RPS6KA2: variants seen among roughly 807,000 people sequenced by gnomAD.
The protein encoded by RPS6KA2 is ribosomal protein S6 kinase A2.
RPS6KA2 carries 42 observed loss-of-function variants against 91.8 expected under a neutral mutation model. That is an observed-to-expected ratio of 0.46 (90% CI 0.36 to 0.59). The LOEUF is 0.59. Ranked by LOEUF, RPS6KA2 falls within the 20% of genes least tolerant of loss-of-function variation. The probability of loss-of-function intolerance (pLI) is 0.00; values close to 1 mark genes in which losing one functional copy is unlikely to be tolerated. For missense variants in RPS6KA2, 798 were observed against 978.5 expected (o/e 0.82, Z 2.46); for synonymous variants, 414 against 393.6 (o/e 1.05, Z -0.61).
At chr6:166,555,324 T>C (rs367628590) in intron 1 of RPS6KA2, among the ~76,000 whole-genome samples, 7 of 152,202 alleles carry the variant, frequency 4.6e-5, no homozygotes, top group South Asian at 4.1e-4. Flanking sequence ...TGCACCCCTA[T>C]TGTTCTGGGC....
At chr6:166,539,090 T>C (rs549872546) in intron 1 of RPS6KA2, among the ~76,000 whole-genome samples, 1 of 152,270 alleles carries the variant, frequency 6.6e-6, no homozygotes, top group South Asian at 2.1e-4. Flanking sequence ...TTTTGTATTT[T>C]TGTATTTTTA....
At chr6:166,701,163 C>T (rs777260334) in intron 2 of RPS6KA2, 1 of 1,612,078 alleles carries the variant, frequency 6.2e-7, no homozygotes, top group Non-Finnish European at 8.5e-7. Flanking sequence ...TTACCTGAGT[C>T]AGAATTTCCT....
intron 2 of RPS6KA2, among the ~76,000 whole-genome samples, chr6:166,776,538 C>A (rs1778624211): frequency 6.6e-6 from 1 of 152,150 alleles, no homozygotes; most frequent in African/African-American, 2.4e-5. Context: ...CAACATCTGC[C>A]TCTTCCACGC....
At chr6:166,610,021 T>A (rs1475813676) in intron 1 of RPS6KA2, among the ~76,000 whole-genome samples, 1 of 152,200 alleles carries the variant, frequency 6.6e-6, no homozygotes, top group Non-Finnish European at 1.5e-5. Flanking sequence ...CTCATCTTGA[T>A]TTTTTTCTCT....
At chr6:166,562,963 C>T (rs535084383) in intron 1 of RPS6KA2, among the ~76,000 whole-genome samples, 7 of 152,282 alleles carry the variant, frequency 4.6e-5, no homozygotes, top group South Asian at 2.1e-4. Flanking sequence ...GGCGCCCCGG[C>T]GGGACAGACT....
intron 2 of RPS6KA2, among the ~76,000 whole-genome samples, chr6:166,851,484 C>A (rs1265233934): frequency 1.3e-5 from 2 of 152,182 alleles, no homozygotes; most frequent in African/African-American, 4.8e-5. Context: ...AATCACCAGG[C>A]AGCAGAGATA....
At chr6:166,814,010 C>T (rs1469225245) in intron 2 of RPS6KA2, among the ~76,000 whole-genome samples, 1 of 152,148 alleles carries the variant, frequency 6.6e-6, no homozygotes, top group Non-Finnish European at 1.5e-5. Flanking sequence ...AAATACTTAT[C>T]AATTGTTGAT....
chr6:166,828,254 T>C (rs765272518), intron 2 of RPS6KA2, among the ~76,000 whole-genome samples: 14 of 152,210 alleles, frequency 9.2e-5, no homozygotes, highest in Non-Finnish European at 1.6e-4. Context: ...GTGGTCAGAA[T>C]GGCCCGGAAG....
chr6:166,659,964 C>A (rs1788115938), intron 2 of RPS6KA2, among the ~76,000 whole-genome samples: 2 of 151,888 alleles, frequency 1.3e-5, no homozygotes, highest in Non-Finnish European at 2.9e-5. Context: ...TCTATGTTGC[C>A]CAGTCTGACC....
At chr6:166,468,542 G>A (rs1379563073) in intron 11 of RPS6KA2, among the ~76,000 whole-genome samples, 5 of 152,078 alleles carry the variant, frequency 3.3e-5, no homozygotes, top group Admixed American at 6.6e-5. Flanking sequence ...AATGAAATGC[G>A]TGGAGGCCCC....
intron 2 of RPS6KA2, among the ~76,000 whole-genome samples, chr6:166,765,301 G>A (rs183271729): frequency 2.4e-4 from 37 of 152,264 alleles, no homozygotes; most frequent in Non-Finnish European, 2.6e-4. Context: ...CAGCAGGTGC[G>A]TCCAGCACAC....
At position 166,557,543 on chromosome 6, in the gene RPS6KA2, T is replaced by TA. The variant is rs1784212826; in HGVS notation, c.100-18760dup. Among the ~76,000 whole-genome samples, 1 of 152,244 alleles carries TA rather than the reference T, an allele frequency of 6.6e-6. No individual in the cohort carries two copies. The highest frequency in any genetic ancestry group is 1.9e-4 in the East Asian group (1 of 5,198). ...CTAATTGAGTGATATGGTCTGGCCTTAGAGTTTCTCTGGCACCTTTGTCAA... is the reference window on the plus strand; with the variant it reads ...CTAATTGAGTGATATGGTCTGGCCTTAAGAGTTTCTCTGGCACCTTTGTCAA... On this transcript the variant is annotated intron_variant, in intron 1 of 20. Transcript: ENST00000265678. The surrounding 1 kb of genome is among the most constrained non-coding windows in gnomAD (Gnocchi z 4.8).
intron 2 of RPS6KA2, among the ~76,000 whole-genome samples, chr6:166,856,523 A>T (rs1297378818): frequency 2.6e-5 from 4 of 152,126 alleles, no homozygotes; most frequent in African/African-American, 9.7e-5. Flanking sequence ...GGTGTTATGG[A>T]ATCTTGTTGC....
At chr6:166,619,643 C>T (rs543248081) in intron 1 of RPS6KA2, among the ~76,000 whole-genome samples, 66 of 152,380 alleles carry the variant, frequency 4.3e-4, no homozygotes, top group Non-Finnish European at 5.9e-4. Flanking sequence ...CCAGCCTTGC[C>T]CGGCTCCCAG....
At chr6:166,644,296 T>C (rs1440955044) in intron 2 of RPS6KA2, among the ~76,000 whole-genome samples, 1 of 152,102 alleles carries the variant, frequency 6.6e-6, no homozygotes, top group Admixed American at 6.6e-5. Context: ...GGCACAGATG[T>C]TATATTCACA....
At chr6:166,430,336 G>T in intron 16 of RPS6KA2, 117 bp downstream of exon 16, 4 of 926,022 alleles carry the variant, frequency 4.3e-6, no homozygotes, top group Non-Finnish European at 6.5e-6. Flanking sequence ...ATGGTGGCAC[G>T]GAAGGAATTC....
At position 166,594,485 on chromosome 6, in the gene RPS6KA2, C is replaced by T. The variant is rs192243786; in HGVS notation, c.99+32436G>A. Among the ~76,000 whole-genome samples the T allele has an allele frequency of 8.6e-4, 131 of 151,820 alleles. 1 individual carries two copies. Among genetic ancestry groups the T allele is most frequent in the South Asian group, 4.4e-3 (21 of 4,812 alleles). On this transcript the variant is annotated intron_variant, in intron 1 of 20. Transcript: ENST00000265678. ...TTTCTTTTTTTTTTCTTTTTTGAGA[C>T]GGAGTCTCGCTCTGTCGCCCAGGCT... is the stretch of plus-strand genomic sequence containing the variant.
chr6:166,475,151 T>TGCCCACTCCTGCTGCCA (rs200828533), intron 10 of RPS6KA2, among the ~76,000 whole-genome samples: 3,585 of 112,636 alleles, frequency 0.032, 162 homozygotes, highest in African/African-American at 0.17. Context: ...TCGTGGGATG[T>TGCCCACTCCTGCTGCCA]GCCCCAGCCT....
chr6:166,714,995 C>T lies in RPS6KA2; in HGVS notation c.123+143205G>A, dbSNP rs966695862. Among the ~76,000 whole-genome samples the T allele has an allele frequency of 4.6e-5, 7 of 152,242 alleles. No individual in the cohort carries two copies. In the East Asian group the frequency reaches 1.2e-3, roughly 25 times the overall value. The stretch of plus-strand genomic sequence containing the variant: ...TCCCGTCCGGCCTGTGCTCCTTCTT[C>T]AGCTCACCCTGAGGAAACTCCCTCT... On this transcript the variant is annotated intron_variant, in intron 2 of 21. Coordinates refer to the RPS6KA2 transcript ENST00000503859.
Sources: allele counts gnomAD v4.1 joint callset (sites outside exome capture counted in the v4.1 genomes callset), GRCh38; gene constraint gnomAD v4.1.1; non-coding constraint Gnocchi (gnomAD v3.1); transcripts MANE v1.5; gene names NCBI Gene and HGNC (gene_info 2026-07-23, HGNC 2026-07-21).